Variants in ADGRD2 observed in about 807,000 individuals in gnomAD.
ADGRD2 encodes adhesion G protein-coupled receptor D2.
ADGRD2 carries 71 observed loss-of-function variants against 44.4 expected under a neutral mutation model. The observed-to-expected ratio is 1.60, with a 90% confidence interval of 1.32 to 1.95. The LOEUF (loss-of-function observed/expected upper bound fraction) is 1.95. ADGRD2 is among the 30% of genes most tolerant of loss of function. The pLI is 0.00. For synonymous variants in ADGRD2, 481 were observed against 224.8 expected, an observed-to-expected ratio of 2.14 and a Z score of -10.19; for missense variants, 1,039 against 512.4, an observed-to-expected ratio of 2.03 and a Z score of -9.92.
chr9:124,455,869 G>C (rs1831606266), intron 6 of ADGRD2, among the ~76,000 whole-genome samples: 1 of 152,214 alleles, frequency 6.6e-6, no homozygotes, highest in African/African-American at 2.4e-5. Context: ...GGGAGGGAAC[G>C]AGAATCATGA....
chr9:124,463,331 G>C (rs1831754350), intron 10 of ADGRD2, among the ~76,000 whole-genome samples: 1 of 152,198 alleles, frequency 6.6e-6, no homozygotes, highest in Admixed American at 6.5e-5. Context: ...CCTGAGATCA[G>C]TGTAATTTGT....
chr9:124,457,634 G>A (rs1386899752), intron 8 of ADGRD2, 28 bp downstream of exon 11: 2 of 588,598 alleles, frequency 3.4e-6, no homozygotes, highest in Non-Finnish European at 6.2e-6. Flanking sequence ...GGTGTCCAGA[G>A]CCCTGTTGGG....
intron 10 of ADGRD2, 39 bp downstream of exon 13, chr9:124,458,760 C>T (rs1831669152): frequency 1.4e-6 from 1 of 711,918 alleles, no homozygotes; most frequent in East Asian, 2.7e-5. Flanking sequence ...CATCCTGGCG[C>T]ACGTGTCCTG....
chr9:124,454,604 G>A lies in ADGRD2; in HGVS notation c.1108+35G>A, dbSNP rs1032405179. 5.4e-5 allele frequency: 38 copies of A among 708,336 alleles called. No homozygotes were observed. In the African/African-American group the frequency reaches 6.1e-4, roughly 11 times the overall value. 43.9% of individuals were successfully genotyped at this position (708,336 alleles called of 1,614,324 possible). ...CTCTCAGGGGCTGGAAAGCCTGGGG[G>A]CTCCATGGGTCACCTCGCTGCACCT... is the stretch of plus-strand genomic sequence containing the variant. On this transcript the variant is annotated intron_variant, in intron 5 of 21. Transcript: ENST00000334810. The surrounding 1 kb of genome is among the most constrained non-coding windows in gnomAD (Gnocchi z 4.5).
chr9:124,470,318 G>T (rs139090761), intron 16 of ADGRD2, among the ~76,000 whole-genome samples, 176 bp from the exon 20 acceptor site: 2 of 152,160 alleles, frequency 1.3e-5, no homozygotes, highest in Non-Finnish European at 2.9e-5. Context: ...CTGAGAACAG[G>T]GGGGGCAACA....
chr9:124,461,360 C>T (rs1423785709), intron 10 of ADGRD2, among the ~76,000 whole-genome samples: 1 of 152,166 alleles, frequency 6.6e-6, no homozygotes, highest in African/African-American at 2.4e-5. Flanking sequence ...TCTAAGAAAG[C>T]TTTGCCAATC....
At chr9:124,468,224 G>A (rs975662255) in intron 13 of ADGRD2, 34 bp downstream of exon 16, 7 of 717,742 alleles carry the variant, frequency 9.8e-6, no homozygotes, top group South Asian at 4.4e-5. Flanking sequence ...GAAGCCCGGG[G>A]AAGCCTGGGA....
exon 20 of ADGRD2, chr9:124,476,375 C>T (rs1403858261): frequency 1.4e-6 from 1 of 701,940 alleles, no homozygotes; most frequent in Non-Finnish European, 2.6e-6. Context: ...GGCCCTAGAA[C>T]TCCCTCAGCA....
Position 124,474,618 on chromosome 9 carries a change from C to T in ADGRD2, c.2759-828C>T, listed in dbSNP as rs554859580. On this transcript the variant is annotated intron_variant, in intron 17 of 21. Coordinates refer to ENST00000334810, the Ensembl canonical transcript of ADGRD2. ...TGGAAGGCCCCAAGGAATTCCAGGC[C>T]CCCACCTGTGTCCTCCCGCCTGGGC... Among the ~76,000 whole-genome samples the T allele has an allele frequency of 5.8e-4, 89 of 152,220 alleles. 1 individual carries two copies. In the South Asian group the frequency reaches 0.018, roughly 31 times the overall value.
chr9:124,468,638 C>G, exon 14 of ADGRD2: 1 of 717,936 alleles, frequency 1.4e-6, no homozygotes, highest in Non-Finnish European at 2.6e-6. Flanking sequence ...TGCACCCGGG[C>G]CCAGGCATGC....
At chr9:124,463,994 C>G (rs759637372) in intron 10 of ADGRD2, among the ~76,000 whole-genome samples, 2 of 152,052 alleles carry the variant, frequency 1.3e-5, no homozygotes, top group African/African-American at 2.4e-5. Context: ...CATACCACCA[C>G]GCCTGGCTAA....
rs914583607 is a variant in ADGRD2, at chr9:124,454,658, C to T, written c.1108+89C>T. Reference sequence around the variant, plus strand: ...TTTCCTCCCTTGTAAAGGGGACACCCACCTGGTGTGTCTGCAGGAATAAAG... The same window carrying T: ...TTTCCTCCCTTGTAAAGGGGACACCTACCTGGTGTGTCTGCAGGAATAAAG... On this transcript the variant is annotated intron_variant, in intron 5 of 21. Transcript: ENST00000334810. The surrounding 1 kb of genome is among the most constrained non-coding windows in gnomAD (Gnocchi z 4.5). The T allele has an allele frequency of 2.4e-5, 16 of 672,542 alleles. No individual in the cohort carries two copies. In the African/African-American group the frequency reaches 2.8e-4, roughly 12 times the overall value. 41.7% of individuals were successfully genotyped at this position (672,542 alleles called of 1,614,324 possible).
At chr9:124,457,672 T>C in intron 8 of ADGRD2, 66 bp downstream of exon 11, 1 of 548,872 alleles carries the variant, frequency 1.8e-6, no homozygotes, top group Admixed American at 3.1e-5. Flanking sequence ...GCTCTAACTG[T>C]CGCTAGCTGT....
At chr9:124,476,768 G>A in intron 21 of ADGRD2, 59 bp downstream of exon 24, 1 of 681,184 alleles carries the variant, frequency 1.5e-6, no homozygotes, top group Non-Finnish European at 2.7e-6. Context: ...CACCCCCTAA[G>A]CCCCCCGTAC....
At chr9:124,451,392 T>C, upstream of ADGRD2, 1 of 373,100 alleles carries the variant, frequency 2.7e-6, no homozygotes, top group Non-Finnish European at 5.3e-6. Context: ...AGTGTTTCCC[T>C]GCTTCGGTCC....
upstream of ADGRD2, chr9:124,452,002 C>CCA: frequency 3.0e-6 from 1 of 328,202 alleles, no homozygotes; most frequent in Non-Finnish European, 6.0e-6. Context: ...TGAATGCCCC[C>CCA]CTCCCACCCA....
Position 124,454,029 on chromosome 9 carries a change from C to G in ADGRD2, c.956C>G (p.Pro319Arg), listed in dbSNP as rs1425981730. Residue 319 changes from proline to arginine, a missense_variant, in exon 4 of 22, where the codon CCG (proline) becomes CGG (arginine). Coordinates refer to ENST00000334810, the Ensembl canonical transcript of ADGRD2. This position sits in a 1 kb window ranked among gnomAD's most constrained non-coding sequence, Gnocchi z 4.5. ...TCCGAGGAGTGCCCTACGTGGAACC[C>G]GGGACCTCGCAGTGAGGGCTCTGAG... The G allele has an allele frequency of 2.8e-6, 2 of 712,718 alleles. No homozygotes were observed. The highest frequency in any genetic ancestry group is 4.1e-5 in the Admixed American group (2 of 49,256). The allele number at this position is 712,718 out of a possible 1,614,324, so 44.1% of individuals were successfully genotyped here. A position where few individuals can be genotyped will look rare whatever the true frequency, so the allele number is the denominator to read the frequency against.
At chr9:124,458,395 G>C (rs1419047628) in intron 9 of ADGRD2, among the ~76,000 whole-genome samples, 159 bp downstream of exon 12, 2 of 152,188 alleles carry the variant, frequency 1.3e-5, no homozygotes, top group Non-Finnish European at 2.9e-5. Flanking sequence ...TGCCAGAGGT[G>C]AACACGGCTC....
At chr9:124,453,350 G>T (rs899453441) in exon 3 of ADGRD2, 2 of 517,638 alleles carry the variant, frequency 3.9e-6, no homozygotes, top group African/African-American at 2.0e-5. Flanking sequence ...TGGGAGCAGC[G>T]GGGCGGGCGC....
Sources: allele counts gnomAD v4.1 joint callset (sites outside exome capture counted in the v4.1 genomes callset), GRCh38; gene constraint gnomAD v4.1.1; non-coding constraint Gnocchi (gnomAD v3.1); transcripts MANE v1.5; gene names NCBI Gene and HGNC (gene_info 2026-07-23, HGNC 2026-07-21).